The following ENTPD5 variants were observed in gnomAD, a reference collection of about 807,000 sequenced individuals.
ENTPD5 encodes ectonucleoside triphosphate diphosphohydrolase 5 (inactive), also known as nucleoside diphosphate phosphatase ENTPD5.
Under a neutral mutation model 60.2 loss-of-function variants are expected in ENTPD5, and 49 were observed. The ratio of observed to expected loss-of-function variants is 0.81; its 90% confidence interval spans 0.65 to 1.03. ENTPD5 has a LOEUF of 1.03. ENTPD5 is among the 50% of genes least tolerant of loss of function. The pLI, the probability that ENTPD5 is intolerant of heterozygous loss-of-function variation, is 0.00. For synonymous variants in ENTPD5, 187 were observed against 185.4 expected, an observed-to-expected ratio of 1.01 and a Z score of -0.07; for missense variants, 480 against 507.6, an observed-to-expected ratio of 0.95 and a Z score of 0.52.
chr14:73,987,638 A>G (rs2057956835), intron 4 of ENTPD5, among the ~76,000 whole-genome samples: 1 of 152,316 alleles, frequency 6.6e-6, no homozygotes, highest in Admixed American at 6.5e-5. Flanking sequence ...ATGCCACTGC[A>G]CTACAGACCG....
rs199995390 is a variant in ENTPD5 at position 73,974,940 on chromosome 14, T to A, written c.768A>T (p.Gly256=). Residue 256 remains glycine (G), a synonymous_variant, in exon 11 of 16, where the codon GGA becomes GGT. Transcript: ENST00000334696. The part of the protein sequence containing the change: ...GLKAARLATL[G]ALETEGTDGH... ...CAGACAAACCTTCTGTCTCCAGGGCTCCCAGGGTTGCTAGTCTTGCAGCTT... is the reference window on the plus strand; with the variant it reads ...CAGACAAACCTTCTGTCTCCAGGGCACCCAGGGTTGCTAGTCTTGCAGCTT... 777 of 1,613,604 alleles carry A rather than the reference T, an allele frequency of 4.8e-4. 4 individuals carry two copies. The highest frequency in any genetic ancestry group is 9.7e-5 in the Non-Finnish European group (115 of 1,179,728).
intron 5 of ENTPD5, among the ~76,000 whole-genome samples, chr14:73,984,610 C>T (rs1253048024): frequency 6.6e-6 from 1 of 152,172 alleles, no homozygotes; most frequent in Non-Finnish European, 1.5e-5. Context: ...GCAACTACAA[C>T]ACGATCACCT....
At position 73,965,926 on chromosome 14, in the gene ENTPD5, A is replaced by G. The variant is rs2056955897; in HGVS notation, c.*1002T>C. On this transcript the variant is annotated 3_prime_UTR_variant, in exon 16 of 16. Transcript: ENST00000334696. ...GGTATTGGAAACTCTGAACTAGATA[A>G]ATAATTCAAAGGATATTAGCTAAAG... The G allele has an allele frequency of 6.6e-6, 1 of 152,216 alleles. No homozygotes were observed. Among genetic ancestry groups the G allele is most frequent in the African/African-American group, 2.4e-5 (1 of 41,444 alleles). The allele number at this position is 152,216 out of a possible 1,614,324, so 9.4% of individuals were successfully genotyped here.
At chr14:73,957,189 C>T (rs1372139436), downstream of ENTPD5, among the ~76,000 whole-genome samples, 1 of 151,912 alleles carries the variant, frequency 6.6e-6, no homozygotes, top group African/African-American at 2.4e-5. Context: ...GCTCGGCCTC[C>T]CAGGTTCACA....
At chr14:73,962,858 TG>T, downstream of ENTPD5, 1 of 940,570 alleles carries the variant, frequency 1.1e-6, no homozygotes. Context: ...TTTTTTTAGC[TG>T]AAATAAAACA....
At chr14:73,957,989 T>G (rs554198282), downstream of ENTPD5, 110 of 694,820 alleles carry the variant, frequency 1.6e-4, no homozygotes, top group African/African-American at 1.7e-3. Flanking sequence ...CTTCTGTCAT[T>G]TATTAGCTCA....
At chr14:73,978,968 C>T (rs1594870816) in intron 6 of ENTPD5, among the ~76,000 whole-genome samples, 1 of 152,178 alleles carries the variant, frequency 6.6e-6, no homozygotes, top group East Asian at 1.9e-4. Flanking sequence ...TGAGATCCTA[C>T]ATGATAAACA....
At chr14:73,998,878 G>A (rs1260454946) in intron 3 of ENTPD5, among the ~76,000 whole-genome samples, 3 of 152,110 alleles carry the variant, frequency 2.0e-5, no homozygotes, top group Non-Finnish European at 2.9e-5. Context: ...GATAGATTGA[G>A]GTCACATAGT....
downstream of ENTPD5, chr14:73,955,451 G>C (rs1263876689): frequency 6.2e-7 from 1 of 1,613,824 alleles, no homozygotes. Flanking sequence ...TCTTTTGTAG[G>C]TTTTGGTGCC....
Position 74,015,858 on chromosome 14 carries a change from C to G in ENTPD5, c.-165G>C, listed in dbSNP as rs747051844. 5.9e-5 allele frequency: 9 copies of G among 152,104 alleles called. No individual in the cohort carries two copies. Among genetic ancestry groups the G allele is most frequent in the Non-Finnish European group, 1.3e-4 (9 of 68,022 alleles). The allele number at this position is 152,104 out of a possible 1,614,324, so 9.4% of individuals were successfully genotyped here. Reference sequence around the variant, plus strand: ...GGATACAAGTCCTACCTAACAGCACCATAATGATCTTGTCTGTATGAGGAT... The same window carrying G: ...GGATACAAGTCCTACCTAACAGCACGATAATGATCTTGTCTGTATGAGGAT... On this transcript the variant is annotated 5_prime_UTR_variant, in exon 2 of 16. The change abolishes an upstream ATG in the 5' untranslated region. Transcript: ENST00000334696.
chr14:73,997,345 A>G (rs2058369842), intron 3 of ENTPD5, among the ~76,000 whole-genome samples: 1 of 152,098 alleles, frequency 6.6e-6, no homozygotes, highest in Non-Finnish European at 1.5e-5. Context: ...CCCTAAGCAA[A>G]TATCATTATT....
chr14:73,974,903 A>G (rs1438217138), intron 11 of ENTPD5, 21 bp downstream of exon 11: 1 of 1,605,090 alleles, frequency 6.2e-7, no homozygotes, highest in South Asian at 1.1e-5. Context: ...ATCCCCCCCC[A>G]GCACAGGTAC....
At position 73,966,145 on chromosome 14, in the gene ENTPD5, G is replaced by T. The variant is rs1278891581; in HGVS notation, c.*783C>A. The T allele has an allele frequency of 2.0e-5, 3 of 152,204 alleles. No individual in the cohort carries two copies. The highest frequency in any genetic ancestry group is 4.4e-5 in the Non-Finnish European group (3 of 68,030). 9.4% of individuals were successfully genotyped at this position (152,204 alleles called of 1,614,324 possible). ...GAAAACACTGTTAACACATTAGCCT[G>T]GGAGGTGGTACTGGCACTGAATATA... On this transcript the variant is annotated 3_prime_UTR_variant, in exon 16 of 16. Transcript: ENST00000334696.
intron 2 of ENTPD5, among the ~76,000 whole-genome samples, chr14:74,011,563 A>G (rs1757968099): frequency 6.6e-6 from 1 of 152,138 alleles, no homozygotes; most frequent in South Asian, 2.1e-4. Context: ...TTGGGAAGTC[A>G]AGGCAGGCAG....
intron 5 of ENTPD5, 34 bp from the exon 6 acceptor site, chr14:73,983,195 G>A (rs1398522724): frequency 1.8e-5 from 28 of 1,588,760 alleles, no homozygotes; most frequent in Admixed American, 3.5e-5. Context: ...TCTGATGAAC[G>A]ATCCATTTAG....
chr14:74,013,601 A>G (rs35579176), intron 2 of ENTPD5, among the ~76,000 whole-genome samples: 58,838 of 151,798 alleles, frequency 0.39, 12,162 homozygotes, highest in East Asian at 0.84. Flanking sequence ...CAAAAGATTG[A>G]ACACCCCTGG....
intron 3 of ENTPD5, among the ~76,000 whole-genome samples, chr14:74,006,616 T>G (rs1380463505): frequency 3.3e-5 from 5 of 151,260 alleles, no homozygotes; most frequent in African/African-American, 1.2e-4. Flanking sequence ...GAAGATGTCT[T>G]GCTTTATCAC....
At chr14:73,955,477 A>G, downstream of ENTPD5, 3 of 1,614,192 alleles carry the variant, frequency 1.9e-6, no homozygotes, top group Non-Finnish European at 2.5e-6. Flanking sequence ...CCATATCTGC[A>G]ACATGAGATA....
intron 3 of ENTPD5, 33 bp downstream of exon 3, chr14:74,011,055 TGAA>T: frequency 2.1e-6 from 1 of 473,890 alleles, no homozygotes; most frequent in Non-Finnish European, 2.8e-6. Flanking sequence ...ATCTGACCTA[TGAA>T]AAAGTGAAGT....
Sources: allele counts gnomAD v4.1 joint callset (sites outside exome capture counted in the v4.1 genomes callset), GRCh38; gene constraint gnomAD v4.1.1; transcripts MANE v1.5; gene names NCBI Gene and HGNC (gene_info 2026-07-23, HGNC 2026-07-21).